Variants in NRCAM observed in about 807,000 individuals in gnomAD.
The protein encoded by NRCAM is neuronal cell adhesion molecule.
A neutral mutation model predicts 156.5 loss-of-function variants in NRCAM; 83 were observed. The ratio of observed to expected loss-of-function variants is 0.53; its 90% CI spans 0.44 to 0.64. NRCAM has a LOEUF of 0.64. Among genes scored for constraint, NRCAM ranks in the 30% least tolerant of loss-of-function variants. NRCAM has a pLI of 0.00. For synonymous variants in NRCAM, 538 were observed against 563.9 expected, an observed-to-expected ratio of 0.95 and a Z score of 0.65; for missense variants, 1,417 against 1,597.3, an observed-to-expected ratio of 0.89 and a Z score of 1.92.
In NRCAM at chr7:108,276,254, T is replaced by C. The variant is rs558742007; in HGVS notation, c.-106-36084A>G. 2.6e-5 allele frequency among the ~76,000 whole-genome samples: 4 copies of C among 152,342 alleles called. No individual in the cohort carries two copies. In the South Asian group the frequency reaches 8.3e-4, roughly 32 times the overall value. ...TCTGTAGATGTCTATTAGGTCTGGTTGTTCCAGAGTTGAGTTCAAGTCCTG... is the reference window on the plus strand; with the variant it reads ...TCTGTAGATGTCTATTAGGTCTGGTCGTTCCAGAGTTGAGTTCAAGTCCTG... On this transcript the variant is annotated intron_variant, in intron 3 of 32. Coordinates refer to ENST00000379028, the MANE Select transcript of NRCAM (RefSeq NM_001037132.4).
In NRCAM at chr7:108,234,672, G is replaced by T; in HGVS notation, c.141C>A (p.Thr47=). ...AATCTTTTGGAGACTGTTGGGTGAT[G>T]GTTGGAGGCTGTACCACTTAATTGT... ...KLLEDLVQPP[T]ITQQSPKDYI... is the part of the protein sequence containing the mutation. Residue 47 remains threonine, a synonymous_variant, in exon 6 of 33, where the codon ACC becomes ACA. Transcript: ENST00000379028. 1 of 1,608,190 alleles carries T rather than the reference G, an allele frequency of 6.2e-7. No individual in the cohort carries two copies. Among genetic ancestry groups the T allele is most frequent in the Non-Finnish European group, 8.5e-7 (1 of 1,175,124 alleles).
intron 11 of NRCAM, among the ~76,000 whole-genome samples, chr7:108,215,214 T>G (rs2087394634): frequency 7.2e-6 from 1 of 139,718 alleles, no homozygotes; most frequent in Admixed American, 7.0e-5. Flanking sequence ...GTCCCACTAT[T>G]TTTTTTTTTT....
At chr7:108,333,792 T>C (rs1226572823) in intron 2 of NRCAM, among the ~76,000 whole-genome samples, 2 of 152,186 alleles carry the variant, frequency 1.3e-5, no homozygotes, top group Non-Finnish European at 2.9e-5. Flanking sequence ...TGCAACTCTT[T>C]TAACTGACTT....
intron 3 of NRCAM, among the ~76,000 whole-genome samples, chr7:108,250,874 T>C (rs1262584051): frequency 6.6e-6 from 1 of 152,096 alleles, no homozygotes; most frequent in Non-Finnish European, 1.5e-5. Context: ...ACCCCATAAA[T>C]ATATACACCT....
intron 19 of NRCAM, among the ~76,000 whole-genome samples, chr7:108,190,258 T>C (rs2153433395): frequency 6.6e-6 from 1 of 152,334 alleles, no homozygotes; most frequent in East Asian, 1.9e-4. Flanking sequence ...ATAGATGCTA[T>C]GGAGGTAGCC....
chr7:108,363,806 T>C (rs1328027946), intron 2 of NRCAM, among the ~76,000 whole-genome samples: 1 of 152,174 alleles, frequency 6.6e-6, no homozygotes, highest in Non-Finnish European at 1.5e-5. Flanking sequence ...CAAATCACAA[T>C]AGAGGGATAT....
chr7:108,165,348 G>C (rs1023002267), intron 30 of NRCAM, among the ~76,000 whole-genome samples: 17 of 152,190 alleles, frequency 1.1e-4, no homozygotes, highest in African/African-American at 4.1e-4. Context: ...TCTGACTTGA[G>C]GGGTAAGTGG....
At chr7:108,277,057 T>C (rs1269670) in intron 3 of NRCAM, among the ~76,000 whole-genome samples, 78,297 of 152,096 alleles carry the variant, frequency 0.51, 22,987 homozygotes, top group East Asian at 0.86. Flanking sequence ...ATGTTGAATA[T>C]TGGCCCCCAC....
intron 24 of NRCAM, 109 bp from the exon 25 acceptor site, chr7:108,180,536 T>C (rs1208947050): frequency 4.8e-6 from 4 of 825,758 alleles, no homozygotes; most frequent in Non-Finnish European, 7.6e-6. Flanking sequence ...TGGTATATTT[T>C]AGAAGAAAAT....
intron 2 of NRCAM, among the ~76,000 whole-genome samples, chr7:108,367,827 T>C (rs1595353641): frequency 2.0e-5 from 3 of 152,290 alleles, no homozygotes; most frequent in East Asian, 1.9e-4. Context: ...TTGGAAAATG[T>C]GGTAATCCAC....
At chr7:108,309,430 A>T (rs558086697) in intron 3 of NRCAM, among the ~76,000 whole-genome samples, 34 of 152,160 alleles carry the variant, frequency 2.2e-4, no homozygotes, top group Non-Finnish European at 1.6e-4. Flanking sequence ...ATGAGCTTTT[A>T]ATCTTCAGCT....
chr7:108,307,869 G>T (rs951529160), intron 3 of NRCAM, among the ~76,000 whole-genome samples: 1 of 152,066 alleles, frequency 6.6e-6, no homozygotes, highest in African/African-American at 2.4e-5. Flanking sequence ...GGATGAAATG[G>T]CCAGATGCTG....
chr7:108,434,454 C>T (rs1054477521), intron 1 of NRCAM, among the ~76,000 whole-genome samples: 3 of 152,028 alleles, frequency 2.0e-5, no homozygotes, highest in African/African-American at 7.2e-5. Flanking sequence ...AAGTGCTTCA[C>T]ATATACTGAG....
At chr7:108,420,039 CGTGTGTGTGTGTGTGTGTGT>C (rs35840496) in intron 1 of NRCAM, among the ~76,000 whole-genome samples, 1 of 146,640 alleles carries the variant, frequency 6.8e-6, no homozygotes, top group Non-Finnish European at 1.5e-5. Flanking sequence ...TTAGTTCCAT[CGTGTGTGTGTGTGTGTGTGT>C]GTGTGTGTGT....
chr7:108,191,962 A>G, intron 17 of NRCAM, 109 bp from the exon 18 acceptor site: 1 of 1,284,334 alleles, frequency 7.8e-7, no homozygotes, highest in Non-Finnish European at 1.1e-6. Flanking sequence ...GAAAGATGGT[A>G]AACACTTTCA....
intron 3 of NRCAM, among the ~76,000 whole-genome samples, chr7:108,292,347 T>C (rs150068439): frequency 1.5e-4 from 23 of 152,276 alleles, no homozygotes; most frequent in African/African-American, 5.5e-4. Context: ...CACATTTCTT[T>C]ACTTGTGAAA....
At chr7:108,439,463 T>C (rs1333162191) in intron 1 of NRCAM, among the ~76,000 whole-genome samples, 2 of 152,084 alleles carry the variant, frequency 1.3e-5, no homozygotes, top group African/African-American at 4.8e-5. Flanking sequence ...GATACACCAA[T>C]AGCTATGAGA....
At chr7:108,445,462 C>T (rs1244090339) in intron 1 of NRCAM, among the ~76,000 whole-genome samples, 1 of 152,168 alleles carries the variant, frequency 6.6e-6, no homozygotes, top group Non-Finnish European at 1.5e-5. Context: ...GTTAAGAATA[C>T]ATGATACATA....
At chr7:108,298,371 C>T (rs1213566753) in intron 3 of NRCAM, among the ~76,000 whole-genome samples, 2 of 151,936 alleles carry the variant, frequency 1.3e-5, no homozygotes, top group East Asian at 3.9e-4. Context: ...ACCCGCAGGG[C>T]ACGGTGGCTC....
Sources: allele counts gnomAD v4.1 joint callset (sites outside exome capture counted in the v4.1 genomes callset), GRCh38; gene constraint gnomAD v4.1.1; transcripts MANE v1.5; gene names NCBI Gene and HGNC (gene_info 2026-07-23, HGNC 2026-07-21).